Variants in RIMS1 observed in about 807,000 individuals in gnomAD.
RIMS1 encodes regulating synaptic membrane exocytosis protein 1.
RIMS1 carries 83 observed loss-of-function variants against 214.1 expected under a neutral mutation model. That is an observed-to-expected ratio of 0.39 (90% confidence interval 0.32 to 0.47). The LOEUF (loss-of-function observed/expected upper bound fraction) is 0.47. Ranked by LOEUF, RIMS1 falls within the 20% of genes least tolerant of loss-of-function variation. The pLI is 0.99. For synonymous variants in RIMS1, 793 were observed against 786.8 expected, an observed-to-expected ratio of 1.01 and a Z score of -0.13; for missense variants, 2,050 against 2,161.8, an observed-to-expected ratio of 0.95 and a Z score of 1.03.
rs1250715122 is a variant in RIMS1, at chr6:72,248,147, G to T, written c.2241+20G>T. On this transcript the variant is annotated intron_variant, in intron 12 of 33. Coordinates refer to ENST00000521978, the MANE Select transcript of RIMS1 (RefSeq NM_014989.7). ...CTTTCTGTATGTATTTTTTGTACATGTTGGAGGCTGTTAGTATTTGCATAC... is the reference window on the plus strand; with the variant it reads ...CTTTCTGTATGTATTTTTTGTACATTTTGGAGGCTGTTAGTATTTGCATAC... 7 of 1,478,966 alleles carry T rather than the reference G, an allele frequency of 4.7e-6. No homozygotes were observed. The highest frequency in any genetic ancestry group is 5.7e-6 in the Non-Finnish European group (6 of 1,060,392). The allele number at this position is 1,478,966 out of a possible 1,614,324, so 91.6% of individuals were successfully genotyped here. A position where few individuals can be genotyped will look rare whatever the true frequency, so the allele number is the denominator to read the frequency against.
chr6:72,004,588 T>A (rs1381842074), intron 2 of RIMS1, among the ~76,000 whole-genome samples: 15 of 152,106 alleles, frequency 9.9e-5, no homozygotes, highest in African/African-American at 2.9e-4. Flanking sequence ...GGTATCTCAT[T>A]GTGGTTTTGA....
intron 2 of RIMS1, among the ~76,000 whole-genome samples, chr6:72,077,994 C>T (rs1005915744): frequency 1.3e-5 from 2 of 152,118 alleles, no homozygotes; most frequent in African/African-American, 4.8e-5. Flanking sequence ...CACAATCCCC[C>T]CTTGCCTCAT....
chr6:72,090,049 T>C (rs112295717), intron 2 of RIMS1, among the ~76,000 whole-genome samples: 1,596 of 147,376 alleles, frequency 0.011, 12 homozygotes, highest in Non-Finnish European at 0.017. Context: ...AGGGATAGCA[T>C]TGGCAGATAT....
At chr6:71,904,380 C>A (rs1473804371) in intron 1 of RIMS1, among the ~76,000 whole-genome samples, 4 of 152,084 alleles carry the variant, frequency 2.6e-5, no homozygotes, top group East Asian at 1.9e-4. Context: ...TACAGTAAGG[C>A]CTCAATGAGT....
At chr6:71,943,573 A>G (rs562738066) in intron 1 of RIMS1, among the ~76,000 whole-genome samples, 5 of 152,222 alleles carry the variant, frequency 3.3e-5, no homozygotes, top group Non-Finnish European at 7.3e-5. Context: ...AGTAATTCTA[A>G]TGATGCAGTG....
At chr6:72,122,417 A>G (rs1013153337) in intron 4 of RIMS1, among the ~76,000 whole-genome samples, 1 of 151,556 alleles carries the variant, frequency 6.6e-6, no homozygotes, top group African/African-American at 2.4e-5. Context: ...CATGTTAGCC[A>G]GGATGGTCGT....
intron 29 of RIMS1, among the ~76,000 whole-genome samples, chr6:72,356,767 T>G (rs1419322613): frequency 6.6e-6 from 1 of 151,642 alleles, no homozygotes. Flanking sequence ...TCTCAAAAAA[T>G]AATAATAATA....
At chr6:72,196,655 A>G (rs1315082687) in intron 6 of RIMS1, among the ~76,000 whole-genome samples, 1 of 136,318 alleles carries the variant, frequency 7.3e-6, no homozygotes, top group Non-Finnish European at 1.5e-5. Flanking sequence ...TGGCTGTCAA[A>G]TCTCAGCATT....
At chr6:72,009,703 C>T (rs1303196191) in intron 2 of RIMS1, among the ~76,000 whole-genome samples, 11 of 152,204 alleles carry the variant, frequency 7.2e-5, no homozygotes, top group Non-Finnish European at 1.2e-4. Flanking sequence ...AACACCACTA[C>T]GCAAATAAAC....
chr6:72,171,226 A>G (rs190585727), intron 4 of RIMS1, among the ~76,000 whole-genome samples: 59 of 151,994 alleles, frequency 3.9e-4, no homozygotes, highest in Middle Eastern at 3.5e-3. Flanking sequence ...TAGTGTGTAA[A>G]CTAAACTTTA....
At chr6:72,012,762 C>T (rs1321126621) in intron 2 of RIMS1, among the ~76,000 whole-genome samples, 1 of 152,114 alleles carries the variant, frequency 6.6e-6, no homozygotes, top group South Asian at 2.1e-4. Context: ...GATGTGAAGC[C>T]TTTGAGACCT....
chr6:72,126,761 T>TAAAAAAAAAAAAAA (rs71540329), intron 4 of RIMS1: 1 of 123,480 alleles, frequency 8.1e-6, no homozygotes, highest in Non-Finnish European at 1.6e-5. Flanking sequence ...ATTAAAAAGT[T>TAAAAAAAAAAAAAA]AAAAAAAAAA....
intron 2 of RIMS1, among the ~76,000 whole-genome samples, chr6:72,019,123 G>A (rs1813735582): frequency 6.6e-6 from 1 of 151,996 alleles, no homozygotes; most frequent in Admixed American, 6.6e-5. Flanking sequence ...TTCCTTATGT[G>A]GTATTACTTC....
chr6:71,929,614 T>G (rs1483589326), intron 1 of RIMS1, among the ~76,000 whole-genome samples: 1 of 152,078 alleles, frequency 6.6e-6, no homozygotes, highest in Non-Finnish European at 1.5e-5. Flanking sequence ...AAAGTCCATT[T>G]TAATCAGAAG....
chr6:71,949,222 A>G (rs550192041), intron 1 of RIMS1, among the ~76,000 whole-genome samples: 3 of 152,350 alleles, frequency 2.0e-5, no homozygotes, highest in Admixed American at 2.0e-4. Flanking sequence ...CTCTGATCTC[A>G]GTACCCTATA....
At chr6:72,156,434 T>G (rs1447379773) in intron 4 of RIMS1, among the ~76,000 whole-genome samples, 1 of 140,198 alleles carries the variant, frequency 7.1e-6, no homozygotes, top group Non-Finnish European at 1.6e-5. Flanking sequence ...GTTGAACTCA[T>G]AGAGACCAGA....
At chr6:72,340,068 C>T (rs531025817) in intron 29 of RIMS1, among the ~76,000 whole-genome samples, 46 of 152,232 alleles carry the variant, frequency 3.0e-4, no homozygotes, top group African/African-American at 1.1e-3. Context: ...TGGTTTTTGG[C>T]TGCATAAATG....
intron 6 of RIMS1, among the ~76,000 whole-genome samples, chr6:72,207,611 A>G (rs1175471943): frequency 6.6e-6 from 1 of 152,192 alleles, no homozygotes; most frequent in African/African-American, 2.4e-5. Context: ...AAATAAATAT[A>G]TCCATTTAAT....
chr6:72,290,644 C>A, intron 24 of RIMS1, 35 bp from the exon 25 acceptor site: 1 of 1,587,236 alleles, frequency 6.3e-7, no homozygotes, highest in South Asian at 1.1e-5. Context: ...TGTGAACCTG[C>A]TGACTGAAGA....
Sources: gnomAD v4.1 joint callset for allele counts (sites outside exome capture counted in the v4.1 genomes callset) on GRCh38, gnomAD v4.1.1 for gene constraint, MANE v1.5 for transcripts, NCBI Gene and HGNC (gene_info 2026-07-23, HGNC 2026-07-21) for gene names.